The following CATSPERE variants were observed in gnomAD, a reference collection of about 807,000 sequenced individuals.
The protein encoded by CATSPERE is cation channel sperm-associated auxiliary subunit epsilon.
CATSPERE carries 93 observed loss-of-function variants against 114.1 expected under a neutral mutation model. That is an observed-to-expected ratio of 0.81 (90% CI 0.69 to 0.97). CATSPERE has a LOEUF of 0.97. Ranked by LOEUF, CATSPERE falls within the 50% of genes least tolerant of loss-of-function variation. The pLI, the probability that CATSPERE is intolerant of heterozygous loss-of-function variation, is 0.00. For synonymous variants in CATSPERE, 341 were observed against 384.1 expected, an observed-to-expected ratio of 0.89 and a Z score of 1.31; for missense variants, 1,058 against 1,131.6, an observed-to-expected ratio of 0.93 and a Z score of 0.93.
At chr1:244,557,800 A>G (rs1661888127) in intron 9 of CATSPERE, among the ~76,000 whole-genome samples, 4 of 151,390 alleles carry the variant, frequency 2.6e-5, no homozygotes, top group Admixed American at 2.0e-4. Flanking sequence ...CTAGGATTCC[A>G]AAAACACCTG....
intron 8 of CATSPERE, among the ~76,000 whole-genome samples, chr1:244,538,019 C>G (rs1267130469): frequency 6.6e-6 from 1 of 152,224 alleles, no homozygotes; most frequent in Admixed American, 6.5e-5. Flanking sequence ...TGTGGCAAAA[C>G]TAGTTGTAAA....
At chr1:244,492,008 C>G (rs574886180) in intron 6 of CATSPERE, among the ~76,000 whole-genome samples, 36 of 152,322 alleles carry the variant, frequency 2.4e-4, no homozygotes, top group African/African-American at 8.7e-4. Context: ...CCAATTCTAC[C>G]TGAGGTACAA....
At chr1:244,632,411 G>GAAAAAA (rs1674077896) in intron 20 of CATSPERE, among the ~76,000 whole-genome samples, 1 of 125,048 alleles carries the variant, frequency 8.0e-6, no homozygotes, top group South Asian at 2.6e-4. Context: ...AAAAAAAAAT[G>GAAAAAA]AAAAAGAAAA....
chr1:244,640,282 CTT>C lies in CATSPERE; in HGVS notation c.*203_*204del, dbSNP rs763028022. The C allele has an allele frequency of 9.7e-5, 39 of 400,504 alleles. No individual in the cohort carries two copies. Among genetic ancestry groups the C allele is most frequent in the Non-Finnish European group, 1.5e-4 (35 of 226,538 alleles). 24.8% of individuals were successfully genotyped at this position (400,504 alleles called of 1,614,324 possible). On this transcript the variant is annotated 3_prime_UTR_variant, in exon 22 of 22. Coordinates refer to ENST00000366534, the MANE Select transcript of CATSPERE (RefSeq NM_001130957.2). ...CATATATATTGTTATTAAATTAATC[CTT>C]TGTTTGCCTTCATTTTAAAGATACT...
chr1:244,522,536 G>A (rs935854205), intron 8 of CATSPERE, among the ~76,000 whole-genome samples: 13 of 152,066 alleles, frequency 8.5e-5, no homozygotes, highest in South Asian at 2.1e-4. Context: ...AAAAATTAAC[G>A]AATACAGGAG....
At chr1:244,614,844 A>G (rs1371827161) in intron 19 of CATSPERE, among the ~76,000 whole-genome samples, 1 of 152,066 alleles carries the variant, frequency 6.6e-6, no homozygotes, top group African/African-American at 2.4e-5. Flanking sequence ...ACCATGTAAT[A>G]TATGCATGTA....
At position 244,490,543 on chromosome 1, in the gene CATSPERE, T is replaced by C. The variant is rs1184048727; in HGVS notation, c.351+72T>C. ...TATTGTTTCTCTCTTATCTTCCATA[T>C]TTACCAGATGAGGAATTTTTCAAAT... On this transcript the variant is annotated intron_variant, in intron 6 of 21. Transcript: ENST00000366534. 9 of 943,006 alleles carry C rather than the reference T, an allele frequency of 9.5e-6. No individual in the cohort carries two copies. In the East Asian group the frequency reaches 1.8e-4, roughly 18 times the overall value. The allele number at this position is 943,006 out of a possible 1,614,324, so 58.4% of individuals were successfully genotyped here.
At chr1:244,520,522 C>G (rs914835410) in intron 8 of CATSPERE, among the ~76,000 whole-genome samples, 1 of 152,178 alleles carries the variant, frequency 6.6e-6, no homozygotes, top group Non-Finnish European at 1.5e-5. Context: ...CAATACCACA[C>G]TTCTCCCATG....
intron 17 of CATSPERE, among the ~76,000 whole-genome samples, chr1:244,599,207 C>T (rs1211719913): frequency 2.0e-5 from 3 of 152,234 alleles, no homozygotes; most frequent in East Asian, 3.9e-4. Flanking sequence ...AGATACAGTT[C>T]CTGAACCCCA....
intron 8 of CATSPERE, among the ~76,000 whole-genome samples, chr1:244,548,250 G>A (rs1660072507): frequency 6.6e-6 from 1 of 152,220 alleles, no homozygotes; most frequent in Non-Finnish European, 1.5e-5. Context: ...ATCACCCAAT[G>A]CACGCATGAA....
upstream of CATSPERE, among the ~76,000 whole-genome samples, chr1:244,460,969 C>G (rs541298175): frequency 6.6e-6 from 1 of 152,240 alleles, no homozygotes; most frequent in East Asian, 1.9e-4. Flanking sequence ...CTGGAAAGCA[C>G]TGCCAGATAT....
At chr1:244,454,352 G>A (rs1238660247), upstream of CATSPERE, 1 of 152,228 alleles carries the variant, frequency 6.6e-6, no homozygotes, top group Non-Finnish European at 1.5e-5. Flanking sequence ...GCTGAACGAG[G>A]TGGCTAATGT....
rs1488514354 is a variant in CATSPERE at position 244,610,507 on chromosome 1, CT to C, written c.2490+185del. On this transcript the variant is annotated intron_variant, in intron 19 of 21. Transcript: ENST00000366534. ...TGCTTCATCTTAATTTCTGTGTGAT[CT>C]TTTGTTGGTTCTGTGTTACTATTTT... is the stretch of plus-strand genomic sequence containing the variant. 4.4e-6 allele frequency: 3 copies of C among 686,676 alleles called. No homozygotes were observed. In the Middle Eastern group the frequency reaches 9.4e-4, roughly 215 times the overall value. The allele number at this position is 686,676 out of a possible 1,614,324, so 42.5% of individuals were successfully genotyped here.
chr1:244,532,180 T>C (rs3005948), intron 8 of CATSPERE, among the ~76,000 whole-genome samples: 19,474 of 151,978 alleles, frequency 0.13, 2,148 homozygotes, highest in African/African-American at 0.3. Flanking sequence ...TTCTTTTTCA[T>C]CCCCAATTTT....
chr1:244,613,154 G>C (rs1670956595), intron 19 of CATSPERE, among the ~76,000 whole-genome samples: 1 of 152,138 alleles, frequency 6.6e-6, no homozygotes, highest in Non-Finnish European at 1.5e-5. Context: ...AACATACTTA[G>C]AATATACCAC....
rs1407132024 is a variant in CATSPERE at position 244,552,489 on chromosome 1, G to C, written c.704G>C (p.Arg235Pro). The change falls in exon 9 of 22, where the codon CGT becomes CCT. Residue 235 changes from arginine (R) to proline (P), a missense_variant. Around this residue, in one of 2 missense-constraint regions of CATSPERE, gnomAD observed 787 missense variants for 905.6 expected, o/e 0.87. Transcript: ENST00000366534. ...GGTTATTTACCAATCTCCTCACCAC[G>C]TGGTAGTCAATTAATGGCTTCCTGG... ...IPGYLPISSP[R>P]GSQLMASWDA... 3.1e-6 allele frequency: 5 copies of C among 1,614,134 alleles called. No homozygotes were observed. Among genetic ancestry groups the C allele is most frequent in the Non-Finnish European group, 4.2e-6 (5 of 1,180,024 alleles).
chr1:244,490,969 C>T (rs1249592192), intron 6 of CATSPERE, among the ~76,000 whole-genome samples: 1 of 151,894 alleles, frequency 6.6e-6, no homozygotes, highest in Non-Finnish European at 1.5e-5. Flanking sequence ...AAACAAAAGC[C>T]TTGTAGGATT....
At chr1:244,451,600 G>A (rs931293090), upstream of CATSPERE, 4 of 1,577,846 alleles carry the variant, frequency 2.5e-6, no homozygotes, top group African/African-American at 4.1e-5. The surrounding 1 kb of genome is among the most constrained non-coding windows in gnomAD (Gnocchi z 6.6). Context: ...CGAGCTCCCG[G>A]GCCCGGCTTC....
At chr1:244,628,388 T>C (rs1453348425) in intron 20 of CATSPERE, among the ~76,000 whole-genome samples, 2 of 152,182 alleles carry the variant, frequency 1.3e-5, no homozygotes, top group Non-Finnish European at 2.9e-5. Context: ...CACAGCCCCA[T>C]TGTTTATGAG....
Sources: gnomAD v4.1 joint callset for allele counts (sites outside exome capture counted in the v4.1 genomes callset) on GRCh38, gnomAD v4.1.1 for gene constraint, gnomAD v4.1.1 regional missense constraint, Gnocchi (gnomAD v3.1) non-coding constraint, MANE v1.5 for transcripts, NCBI Gene and HGNC (gene_info 2026-07-23, HGNC 2026-07-21) for gene names.